ZNF66: variants seen among roughly 807,000 people sequenced by gnomAD.
ZNF66 encodes the protein putative zinc finger protein 66.
ZNF66 carries 32 observed loss-of-function variants against 35.2 expected under a neutral mutation model. That is an observed-to-expected ratio of 0.91 (90% CI 0.69 to 1.22). The LOEUF (loss-of-function observed/expected upper bound fraction) is 1.22. ZNF66 is among the 50% of genes most tolerant of loss of function. ZNF66 has a pLI of 0.00. For synonymous variants in ZNF66, 231 were observed against 181.3 expected, an observed-to-expected ratio of 1.27 and a Z score of -2.20; for missense variants, 666 against 543.1, an observed-to-expected ratio of 1.23 and a Z score of -2.25.
chr19:20,791,195 C>T (rs116682126), intron 1 of ZNF66, among the ~76,000 whole-genome samples: 1 of 152,040 alleles, frequency 6.6e-6, no homozygotes, highest in African/African-American at 2.4e-5. Flanking sequence ...TAAGGAATTG[C>T]TTATTTAGGT....
At chr19:20,797,760 C>T (rs1184588585) in intron 3 of ZNF66, among the ~76,000 whole-genome samples, 1 of 152,048 alleles carries the variant, frequency 6.6e-6, no homozygotes, top group East Asian at 1.9e-4. Context: ...GATGGGGTTT[C>T]ACCATATTGG....
rs1409536861 is a variant in ZNF66, at chr19:20,809,323, C to T, written c.*2001C>T. Reference sequence around the variant, plus strand: ...GGCCAACATTCAGATTCAGGAAATACAGAGAACGCCACAAAGATACTCCTT... The same window carrying T: ...GGCCAACATTCAGATTCAGGAAATATAGAGAACGCCACAAAGATACTCCTT... On this transcript the variant is annotated 3_prime_UTR_variant, in exon 4 of 4. Transcript: ENST00000344519. Among the ~76,000 whole-genome samples, 10 of 151,938 alleles carry T rather than the reference C, an allele frequency of 6.6e-5. No homozygotes were observed. Among genetic ancestry groups the T allele is most frequent in the Non-Finnish European group, 1.3e-4 (9 of 67,964 alleles).
chr19:20,805,126 T>TGGGAGAGAGAGA (rs752355466), intron 3 of ZNF66, among the ~76,000 whole-genome samples: 1 of 145,984 alleles, frequency 6.9e-6, no homozygotes, highest in Admixed American at 6.9e-5. Context: ...TGTGTGTGTG[T>TGGGAGAGAGAGA]GAGAGAGAGA....
At chr19:20,802,619 G>A (rs402744) in intron 3 of ZNF66, among the ~76,000 whole-genome samples, 14,142 of 152,180 alleles carry the variant, frequency 0.093, 657 homozygotes, top group Middle Eastern at 0.11. Context: ...GGTCTATATA[G>A]GAGAATGCTG....
chr19:20,797,486 G>C (rs1208673668), intron 3 of ZNF66, among the ~76,000 whole-genome samples: 1 of 124,312 alleles, frequency 8.0e-6, no homozygotes, highest in Non-Finnish European at 1.8e-5. Context: ...GATTACAGGC[G>C]TGAGCCACCG....
chr19:20,793,819 TG>T lies in ZNF66; in HGVS notation c.169del (p.Glu57SerfsTer15). On this transcript the variant is annotated frameshift_variant, in exon 3 of 4. Coordinates refer to ENST00000344519, the MANE Select transcript of ZNF66 (RefSeq NM_001355197.2). LOFTEE classifies it high-confidence loss of function. The part of the protein sequence containing the change: ...VVSKPDLITH[L>X]EQGKKPSTMQ... ...TCAAAGCCAGACCTCATCACCCATC[TG>T]GAGCAAGGAAAAAAACCTTCGACTA... 1.8e-6 allele frequency: 2 copies of T among 1,135,082 alleles called. No homozygotes were observed. The highest frequency in any genetic ancestry group is 2.5e-6 in the Non-Finnish European group (2 of 803,270). The allele number at this position is 1,135,082 out of a possible 1,614,324, so 70.3% of individuals were successfully genotyped here.
Position 20,792,457 on chromosome 19 carries a change from T to A in ZNF66, c.4-55T>A, listed in dbSNP as rs773021006. On this transcript the variant is annotated intron_variant, in intron 1 of 3. Transcript: ENST00000344519. The stretch of plus-strand genomic sequence containing the variant: ...CTCTCTCATTTCACCTTAAGTCAAA[T>A]TAAAAATTCCGCCCATAACCACTTG... 411 of 1,409,302 alleles carry A rather than the reference T, an allele frequency of 2.9e-4. 1 individual carries two copies. The highest frequency in any genetic ancestry group is 5.4e-4 in the Middle Eastern group (3 of 5,528). The allele number at this position is 1,409,302 out of a possible 1,614,324, so 87.3% of individuals were successfully genotyped here. A position where few individuals can be genotyped will look rare whatever the true frequency, so the allele number is the denominator to read the frequency against.
At chr19:20,797,056 C>T (rs405780) in intron 3 of ZNF66, among the ~76,000 whole-genome samples, 14,084 of 151,730 alleles carry the variant, frequency 0.093, 660 homozygotes, top group Middle Eastern at 0.11. Context: ...TCACCAAGTT[C>T]GCCAGGCTGG....
intron 1 of ZNF66, among the ~76,000 whole-genome samples, chr19:20,777,409 T>G (rs1483320822): frequency 6.6e-6 from 1 of 150,784 alleles, no homozygotes; most frequent in African/African-American, 2.4e-5. Context: ...GAATTTTGTT[T>G]CCCCTAATGT....
chr19:20,794,287 T>G (rs1326750376), intron 3 of ZNF66: 1 of 187,308 alleles, frequency 5.3e-6, no homozygotes, highest in Non-Finnish European at 1.1e-5. Context: ...AGAGTAGTAG[T>G]TTCTGTTGCA....
chr19:20,801,976 TGTG>T (rs1971452020), intron 3 of ZNF66, among the ~76,000 whole-genome samples: 1 of 152,108 alleles, frequency 6.6e-6, no homozygotes, highest in African/African-American at 2.4e-5. Flanking sequence ...TACTGAATGA[TGTG>T]GTGACAGAAA....
chr19:20,807,147 A>G lies in ZNF66; in HGVS notation c.1547A>G (p.Lys516Arg). 1.3e-6 allele frequency: 1 copy of G among 796,200 alleles called. No individual in the cohort carries two copies. The highest frequency in any genetic ancestry group is 2.2e-6 in the Non-Finnish European group (1 of 450,088). 49.3% of individuals were successfully genotyped at this position (796,200 alleles called of 1,614,324 possible). A position where few individuals can be genotyped will look rare whatever the true frequency, so the allele number is the denominator to read the frequency against. ...CCCTACAAATGTGAAGAATGTGGCAAAGACTTTAAGTACTCCTCTACCCTT... is the reference window on the plus strand; with the variant it reads ...CCCTACAAATGTGAAGAATGTGGCAGAGACTTTAAGTACTCCTCTACCCTT... Reference protein sequence around the residue: ...DKPYKCEECGKDFKYSSTLTR... With the variant: ...DKPYKCEECGRDFKYSSTLTR... The change falls in exon 4 of 4, where the codon AAA (lysine) becomes AGA (arginine). Residue 516 changes from lysine to arginine, a missense_variant. Lys to Arg is a conservative substitution (Grantham distance 26). Coordinates refer to ENST00000344519, the MANE Select transcript of ZNF66 (RefSeq NM_001355197.2).
At position 20,796,808 on chromosome 19, in the gene ZNF66, T is replaced by G. The variant is rs11881804; in HGVS notation, c.226+2930T>G. 2.6e-3 allele frequency among the ~76,000 whole-genome samples: 397 copies of G among 152,318 alleles called. 4 individuals carry two copies. The highest frequency in any genetic ancestry group is 8.8e-3 in the African/African-American group (367 of 41,580). On this transcript the variant is annotated intron_variant, in intron 3 of 3. Transcript: ENST00000344519. ...TGCCAATGATTCAAAATACCTGCAT[T>G]TAGTGAGTACACACTAACAGTTAAA...
chr19:20,796,825 A>G (rs1359150428), intron 3 of ZNF66, among the ~76,000 whole-genome samples: 3 of 152,176 alleles, frequency 2.0e-5, no homozygotes, highest in Non-Finnish European at 4.4e-5. Flanking sequence ...GTACACACTA[A>G]CAGTTAAATA....
Position 20,806,384 on chromosome 19 carries a change from T to G in ZNF66, c.784T>G (p.Cys262Gly). 6.4e-7 allele frequency: 1 copy of G among 1,571,208 alleles called. No homozygotes were observed. The highest frequency in any genetic ancestry group is 8.8e-7 in the Non-Finnish European group (1 of 1,142,104). ...TGEKPYKCEE[C>G]GKAFKRSSIL... The stretch of plus-strand genomic sequence containing the variant: ...AGAGAAACCCTACAAATGTGAAGAA[T>G]GTGGCAAGGCCTTTAAGCGCTCCTC... The change falls in exon 4 of 4, where the codon TGT (cysteine) becomes GGT (glycine). Residue 262 changes from cysteine to glycine, a missense_variant. By Grantham distance (159) the Cys-to-Gly change is radical (BLOSUM62 -3). Coordinates refer to ENST00000344519, the MANE Select transcript of ZNF66 (RefSeq NM_001355197.2).
intron 1 of ZNF66, among the ~76,000 whole-genome samples, chr19:20,791,686 A>G (rs34715629): frequency 0.092 from 13,943 of 152,146 alleles, 774 homozygotes; most frequent in Non-Finnish European, 0.12. Context: ...CTTTTTGATT[A>G]CATTCAGATT....
chr19:20,799,038 T>G (rs1971421876), intron 3 of ZNF66: 1 of 147,564 alleles, frequency 6.8e-6, no homozygotes, highest in Admixed American at 6.8e-5. Flanking sequence ...GTTGTTGTTT[T>G]CTTTCTTTCT....
chr19:20,788,811 G>A (rs1412627248), intron 1 of ZNF66, among the ~76,000 whole-genome samples: 1 of 152,098 alleles, frequency 6.6e-6, no homozygotes, highest in Non-Finnish European at 1.5e-5. Context: ...TCAGCACTTT[G>A]GGGGTCTAAG....
intron 1 of ZNF66, 142 bp downstream of exon 1, chr19:20,776,592 G>A: frequency 8.3e-7 from 1 of 1,210,882 alleles, no homozygotes; most frequent in Non-Finnish European, 1.2e-6. Context: ...TAAGATGGCG[G>A]CTACGCTGAC....
Sources: gnomAD v4.1 joint callset for allele counts (sites outside exome capture counted in the v4.1 genomes callset) on GRCh38, gnomAD v4.1.1 for gene constraint, MANE v1.5 for transcripts, NCBI Gene and HGNC (gene_info 2026-07-23, HGNC 2026-07-21) for gene names.